ADRA1B: variants seen among roughly 807,000 people sequenced by gnomAD.
ADRA1B encodes adrenoceptor alpha 1B.
Under a neutral mutation model 17.9 loss-of-function variants are expected in ADRA1B, and 17 were observed. That is an observed-to-expected ratio of 0.95 (90% CI 0.65 to 1.42). The LOEUF is 1.42. Ranked by LOEUF, ADRA1B falls within the 40% of genes most tolerant of loss-of-function variation. The pLI is 0.00. For missense variants in ADRA1B, 681 were observed against 722.1 expected (o/e 0.94, Z 0.65); for synonymous variants, 366 against 327.6 (o/e 1.12, Z -1.27).
intron 1 of ADRA1B, chr5:159,947,883 G>A (rs1030009576): frequency 3.3e-5 from 33 of 985,270 alleles, no homozygotes; most frequent in African/African-American, 5.2e-5. Context: ...GCTTAACCAC[G>A]TTAACATCTC....
chr5:159,910,526 G>A (rs1329893538), intron 1 of ADRA1B, among the ~76,000 whole-genome samples: 1 of 152,140 alleles, frequency 6.6e-6, no homozygotes, highest in Non-Finnish European at 1.5e-5. Flanking sequence ...TAGACTAGAT[G>A]AAAGGTTAAC....
At chr5:159,889,247 C>T (rs968040784) in intron 1 of ADRA1B, among the ~76,000 whole-genome samples, 4 of 152,066 alleles carry the variant, frequency 2.6e-5, no homozygotes, top group Admixed American at 1.3e-4. Flanking sequence ...GGGAAGTAGC[C>T]GCCACACTGT....
intron 1 of ADRA1B, among the ~76,000 whole-genome samples, chr5:159,895,427 C>G (rs1368109169): frequency 6.6e-6 from 1 of 152,256 alleles, no homozygotes; most frequent in African/African-American, 2.4e-5. Flanking sequence ...CAAGATGCTA[C>G]TGCTACCTTC....
In ADRA1B at chr5:159,966,749, T is replaced by C. The variant is rs72810116; in HGVS notation, c.950-5130T>C. Among the ~76,000 whole-genome samples the C allele has an allele frequency of 1.3e-3, 205 of 152,290 alleles. 1 individual carries two copies. Among genetic ancestry groups the C allele is most frequent in the Middle Eastern group, 3.4e-3 (1 of 294 alleles). On this transcript the variant is annotated intron_variant, in intron 1 of 1. Transcript: ENST00000306675. ...GGCTGTCAGGGCTTAAATGTGGAAA[T>C]GACCCAGTGATTCCTCATGTGAATT...
intron 1 of ADRA1B, among the ~76,000 whole-genome samples, chr5:159,953,891 G>A (rs1490015583): frequency 6.6e-6 from 1 of 150,944 alleles, no homozygotes; most frequent in East Asian, 1.9e-4. Flanking sequence ...AAAAGAGCTG[G>A]TGAAAAAAAA....
intron 1 of ADRA1B, among the ~76,000 whole-genome samples, chr5:159,955,898 G>T (rs191562057): frequency 4.6e-5 from 7 of 151,966 alleles, no homozygotes; most frequent in Admixed American, 4.6e-4. Context: ...TTTGACCTTT[G>T]TCTCTCCCTC....
At chr5:159,920,836 G>C (rs893389653) in intron 1 of ADRA1B, among the ~76,000 whole-genome samples, 2 of 152,160 alleles carry the variant, frequency 1.3e-5, no homozygotes, top group African/African-American at 4.8e-5. Context: ...TCTGAAGAAG[G>C]TTCCAAATTC....
intron 1 of ADRA1B, among the ~76,000 whole-genome samples, chr5:159,960,891 G>T (rs777677308): frequency 3.3e-5 from 5 of 152,108 alleles, no homozygotes; most frequent in Non-Finnish European, 7.4e-5. Context: ...TGCCTTTCAC[G>T]TGTCAGGCAC....
intron 1 of ADRA1B, among the ~76,000 whole-genome samples, chr5:159,955,615 G>C (rs1267933964): frequency 6.6e-6 from 1 of 152,154 alleles, no homozygotes; most frequent in African/African-American, 2.4e-5. Context: ...TTCATCTACT[G>C]CTTAGGAAGG....
intron 1 of ADRA1B, among the ~76,000 whole-genome samples, chr5:159,967,740 A>G (rs1337794363): frequency 6.6e-6 from 1 of 152,178 alleles, no homozygotes; most frequent in Non-Finnish European, 1.5e-5. Context: ...TCTCAGAGGA[A>G]TAAACAGTGT....
chr5:159,899,837 C>G (rs1754082817), intron 1 of ADRA1B, among the ~76,000 whole-genome samples: 1 of 152,186 alleles, frequency 6.6e-6, no homozygotes, highest in Non-Finnish European at 1.5e-5. Flanking sequence ...AGATCTTTCT[C>G]CTTTCTGTAT....
chr5:159,895,216 A>G (rs4921534), intron 1 of ADRA1B, among the ~76,000 whole-genome samples: 107,262 of 152,114 alleles, frequency 0.71, 39,759 homozygotes, highest in African/African-American at 0.89. Flanking sequence ...ACAAGACACT[A>G]CCCTTCTAGA....
At chr5:159,968,983 C>T (rs1349124283) in intron 1 of ADRA1B, among the ~76,000 whole-genome samples, 3 of 152,232 alleles carry the variant, frequency 2.0e-5, no homozygotes, top group African/African-American at 7.2e-5. Flanking sequence ...ACAGAGACAA[C>T]TCCCCACATC....
At chr5:159,985,435 T>A in the ADRA1B span, among the ~76,000 whole-genome samples, 1 of 152,200 alleles carries the variant, frequency 6.6e-6, no homozygotes, top group East Asian at 1.9e-4. Context: ...AGGCACTCCT[T>A]AAATACTTAT....
intron 1 of ADRA1B, among the ~76,000 whole-genome samples, chr5:159,911,447 C>T (rs1237599009): frequency 6.6e-6 from 1 of 152,216 alleles, no homozygotes; most frequent in African/African-American, 2.4e-5. Context: ...CCCCAGCTCC[C>T]AGGCTCTCCC....
the ADRA1B span, among the ~76,000 whole-genome samples, chr5:159,985,523 G>A: frequency 0.014 from 2,090 of 152,268 alleles, 21 homozygotes; most frequent in Middle Eastern, 0.065. Flanking sequence ...GACTTGTACC[G>A]GCTCAGAGCA....
the ADRA1B span, among the ~76,000 whole-genome samples, chr5:159,983,842 T>TTTAATTTA: frequency 4.2e-4 from 64 of 152,152 alleles, no homozygotes; most frequent in South Asian, 3.5e-3. Flanking sequence ...ACTACTCTGG[T>TTTAATTTA]ATTTCCCCTA....
chr5:159,910,613 A>G (rs1561587660), intron 1 of ADRA1B, among the ~76,000 whole-genome samples: 1 of 152,196 alleles, frequency 6.6e-6, no homozygotes, highest in African/African-American at 2.4e-5. Context: ...CAGCTACTCA[A>G]CTCTGCCATT....
the ADRA1B span, among the ~76,000 whole-genome samples, chr5:159,983,775 C>T: frequency 6.6e-6 from 1 of 152,082 alleles, no homozygotes; most frequent in Admixed American, 6.5e-5. Flanking sequence ...TTTTTTCTAG[C>T]ATCACTGATC....
Sources: allele counts gnomAD v4.1 joint callset (sites outside exome capture counted in the v4.1 genomes callset), GRCh38; gene constraint gnomAD v4.1.1; transcripts MANE v1.5; gene names NCBI Gene and HGNC (gene_info 2026-07-23, HGNC 2026-07-21).